DAB1: variants seen among roughly 807,000 people sequenced by gnomAD.
The protein encoded by DAB1 is disabled homolog 1.
In DAB1, 15 loss-of-function variants were observed where a neutral mutation model predicts 64.6. That is an observed-to-expected ratio of 0.23 (90% CI 0.16 to 0.36). The LOEUF (loss-of-function observed/expected upper bound fraction) is 0.36, where lower values mean the gene tolerates loss of function less well. DAB1 is among the 10% of genes least tolerant of loss of function. The pLI is 1.00. For synonymous variants in DAB1, 235 were observed against 251.9 expected (o/e 0.93, Z 0.64); for missense variants, 596 against 706.7 (o/e 0.84, Z 1.78).
intron 2 of DAB1, among the ~76,000 whole-genome samples, chr1:57,172,894 G>A (rs1661926331): frequency 6.6e-6 from 1 of 152,132 alleles, no homozygotes; most frequent in African/African-American, 2.4e-5. Context: ...TAGACAGCAA[G>A]GATGGAGCTA....
At chr1:57,430,596 C>A (rs1232170255) in intron 7 of DAB1, among the ~76,000 whole-genome samples, 1 of 152,050 alleles carries the variant, frequency 6.6e-6, no homozygotes, top group Non-Finnish European at 1.5e-5. Flanking sequence ...CCAGGATGGT[C>A]TCGATCTCCT....
chr1:58,162,763 T>C (rs907740046), intron 4 of DAB1, among the ~76,000 whole-genome samples: 8 of 152,190 alleles, frequency 5.3e-5, no homozygotes, highest in Non-Finnish European at 1.0e-4. Flanking sequence ...TATGTGTACA[T>C]TGCCTGTATA....
chr1:57,108,790 C>T (rs143413183), intron 4 of DAB1, among the ~76,000 whole-genome samples: 375 of 152,160 alleles, frequency 2.5e-3, no homozygotes, highest in African/African-American at 8.6e-3. Flanking sequence ...TATCTCCAAC[C>T]GGAAAGGACA....
chr1:57,929,422 C>T (rs1350617717), intron 5 of DAB1, among the ~76,000 whole-genome samples: 1 of 152,140 alleles, frequency 6.6e-6, no homozygotes, highest in Non-Finnish European at 1.5e-5. Flanking sequence ...AAGTGTCTTT[C>T]ACAGAGCAGA....
At chr1:58,268,851 A>G (rs1661238512) in intron 4 of DAB1, among the ~76,000 whole-genome samples, 1 of 152,174 alleles carries the variant, frequency 6.6e-6, no homozygotes, top group Non-Finnish European at 1.5e-5. Flanking sequence ...ATACTTCTTG[A>G]TTTCAATATG....
chr1:58,141,881 C>G (rs1654304409), intron 5 of DAB1, among the ~76,000 whole-genome samples: 1 of 152,058 alleles, frequency 6.6e-6, no homozygotes, highest in Non-Finnish European at 1.5e-5. Flanking sequence ...TTCTTTTGAC[C>G]TAGACAAAGT....
intron 3 of DAB1, among the ~76,000 whole-genome samples, chr1:58,467,377 G>C (rs1645307382): frequency 6.6e-6 from 1 of 152,102 alleles, no homozygotes; most frequent in Non-Finnish European, 1.5e-5. Context: ...TAATTACTTA[G>C]GCTTTGCCGT....
intron 2 of DAB1, among the ~76,000 whole-genome samples, chr1:57,171,463 A>G (rs1661753110): frequency 6.6e-6 from 1 of 152,184 alleles, no homozygotes; most frequent in African/African-American, 2.4e-5. Flanking sequence ...GTGGCCTAGA[A>G]GAAAAGAGTT....
At chr1:57,305,493 CAGG>C (rs1466641467) in intron 1 of DAB1, among the ~76,000 whole-genome samples, 2 of 152,168 alleles carry the variant, frequency 1.3e-5, no homozygotes, top group African/African-American at 4.8e-5. Context: ...CTTCCCAGAG[CAGG>C]AGAATAGGGC....
intron 5 of DAB1, among the ~76,000 whole-genome samples, chr1:58,120,510 T>C (rs1652673362): frequency 6.6e-6 from 1 of 152,142 alleles, no homozygotes; most frequent in Admixed American, 6.5e-5. Flanking sequence ...AATGCTTACC[T>C]CTTATGCCAA....
intron 5 of DAB1, among the ~76,000 whole-genome samples, chr1:57,918,549 G>A (rs1272201934): frequency 6.6e-6 from 1 of 152,150 alleles, no homozygotes; most frequent in Admixed American, 6.6e-5. Context: ...CCTAAGCCAG[G>A]CGCGGTGGCT....
chr1:57,819,080 A>G (rs1652001906), intron 6 of DAB1, among the ~76,000 whole-genome samples: 2 of 152,210 alleles, frequency 1.3e-5, no homozygotes, highest in South Asian at 4.1e-4. Flanking sequence ...AGTGCTATAT[A>G]CATATTTGAC....
At chr1:57,112,926 A>G (rs530185931) in intron 4 of DAB1, among the ~76,000 whole-genome samples, 43 of 152,350 alleles carry the variant, frequency 2.8e-4, no homozygotes, top group Non-Finnish European at 5.3e-4. Context: ...ATTACAATAC[A>G]ATTCTAAGTG....
At chr1:57,945,247 G>GTCA (rs924278393) in intron 5 of DAB1, among the ~76,000 whole-genome samples, 2 of 151,502 alleles carry the variant, frequency 1.3e-5, no homozygotes, top group East Asian at 1.9e-4. Context: ...CATCACCATC[G>GTCA]TCATCATCAT....
intron 6 of DAB1, among the ~76,000 whole-genome samples, chr1:57,769,454 C>T (rs1649460624): frequency 1.3e-5 from 2 of 152,284 alleles, no homozygotes; most frequent in African/African-American, 4.8e-5. Context: ...TCATTCCCTA[C>T]TGGGGAAAAC....
At chr1:57,548,969 C>T (rs1408501050) in intron 7 of DAB1, among the ~76,000 whole-genome samples, 2 of 152,096 alleles carry the variant, frequency 1.3e-5, no homozygotes, top group South Asian at 2.1e-4. Context: ...AATGAGGCAC[C>T]GAAAGCTTTA....
chr1:57,067,013 TA>T (rs35026009), intron 8 of DAB1, among the ~76,000 whole-genome samples: 36,163 of 149,892 alleles, frequency 0.24, 4,638 homozygotes, highest in Middle Eastern at 0.32. Context: ...TACAAGCCCT[TA>T]AAAAAAAAAT....
At chr1:58,226,509 A>G (rs903633280) in intron 4 of DAB1, among the ~76,000 whole-genome samples, 2 of 152,144 alleles carry the variant, frequency 1.3e-5, no homozygotes, top group Non-Finnish European at 2.9e-5. Context: ...TTCTTCTTGC[A>G]TTCATTTGAC....
intron 2 of DAB1, among the ~76,000 whole-genome samples, chr1:57,259,900 T>C (rs1270482696): frequency 2.6e-5 from 4 of 152,202 alleles, no homozygotes; most frequent in Non-Finnish European, 4.4e-5. Flanking sequence ...CCTCTATTTC[T>C]TCTTATTTGC....
Sources: allele counts gnomAD v4.1 joint callset (sites outside exome capture counted in the v4.1 genomes callset), GRCh38; gene constraint gnomAD v4.1.1; transcripts MANE v1.5; gene names NCBI Gene and HGNC (gene_info 2026-07-23, HGNC 2026-07-21).